Variants in ATRNL1 observed in about 807,000 individuals in gnomAD.
ATRNL1 encodes the protein attractin like 1, also known as attractin-like protein 1.
A neutral mutation model predicts 182.7 loss-of-function variants in ATRNL1; 95 were observed. That is an observed-to-expected ratio of 0.52 (90% CI 0.44 to 0.62). The LOEUF (loss-of-function observed/expected upper bound fraction) is 0.62. ATRNL1 is among the 20% of genes least tolerant of loss of function. The probability of loss-of-function intolerance (pLI) is 0.00; values close to 1 mark genes in which losing one functional copy is unlikely to be tolerated. For missense variants in ATRNL1, 1,471 were observed against 1,679.5 expected, an observed-to-expected ratio of 0.88 and a Z score of 2.17; for synonymous variants, 576 against 568.3, an observed-to-expected ratio of 1.01 and a Z score of -0.19.
At chr10:115,688,128 G>T (rs1221459001) in intron 26 of ATRNL1, among the ~76,000 whole-genome samples, 2 of 152,060 alleles carry the variant, frequency 1.3e-5, no homozygotes, top group Admixed American at 1.3e-4. Context: ...CATCCATGTT[G>T]CTGGAAATGA....
intron 10 of ATRNL1, among the ~76,000 whole-genome samples, chr10:115,254,256 T>C (rs1851015024): frequency 6.6e-6 from 1 of 152,200 alleles, no homozygotes; most frequent in Non-Finnish European, 1.5e-5. Context: ...CCACCAACAG[T>C]GTAAAAACAT....
intron 19 of ATRNL1, among the ~76,000 whole-genome samples, chr10:115,367,820 G>T (rs527745081): frequency 6.9e-6 from 1 of 145,090 alleles, no homozygotes; most frequent in African/African-American, 2.5e-5. Context: ...GTGCCTCCCA[G>T]TTAGGCTGCT....
intron 27 of ATRNL1, among the ~76,000 whole-genome samples, chr10:115,773,896 T>C (rs1463868146): frequency 6.6e-6 from 1 of 152,158 alleles, no homozygotes; most frequent in Non-Finnish European, 1.5e-5. Context: ...CCTATCTCCC[T>C]CCCTTTTTGT....
intron 27 of ATRNL1, among the ~76,000 whole-genome samples, chr10:115,819,074 C>T (rs181308609): frequency 1.3e-5 from 2 of 152,158 alleles, no homozygotes; most frequent in African/African-American, 4.8e-5. Flanking sequence ...ATGACTGTTG[C>T]TCAGGCATCC....
chr10:115,726,764 A>T (rs1226308458), intron 26 of ATRNL1, among the ~76,000 whole-genome samples: 1 of 152,220 alleles, frequency 6.6e-6, no homozygotes, highest in Non-Finnish European at 1.5e-5. Flanking sequence ...CTGATGACTT[A>T]CAAAACTTAG....
intron 26 of ATRNL1, among the ~76,000 whole-genome samples, chr10:115,602,465 C>G (rs1315611047): frequency 1.3e-5 from 2 of 152,030 alleles, no homozygotes; most frequent in Non-Finnish European, 2.9e-5. Context: ...TGGACACCAA[C>G]TTAGTGTCTT....
chr10:115,151,603 A>G (rs1846232899), intron 5 of ATRNL1, among the ~76,000 whole-genome samples: 1 of 152,138 alleles, frequency 6.6e-6, no homozygotes, highest in Admixed American at 6.5e-5. Flanking sequence ...AGTTCTTTGT[A>G]GATTCTGGAT....
At chr10:115,321,335 G>A (rs1854573807) in intron 18 of ATRNL1, among the ~76,000 whole-genome samples, 1 of 151,986 alleles carries the variant, frequency 6.6e-6, no homozygotes, top group African/African-American at 2.4e-5. Flanking sequence ...AGTTTAATTT[G>A]TTTACCTTAA....
In ATRNL1 at chr10:115,948,382, A is replaced by G. The variant is rs548050667; in HGVS notation, c.*3603A>G. ...TATATTTAAAAAAGATTGTAAAATG[A>G]AAACTGACCAAATGAACTAATTCTA... On this transcript the variant is annotated 3_prime_UTR_variant, in exon 29 of 29. Coordinates refer to ENST00000355044, the MANE Select transcript of ATRNL1 (RefSeq NM_207303.4). 5.3e-5 allele frequency: 8 copies of G among 152,376 alleles called. No homozygotes were observed. Among genetic ancestry groups the G allele is most frequent in the African/African-American group, 1.9e-4 (8 of 41,594 alleles). The allele number at this position is 152,376 out of a possible 1,614,324, so 9.4% of individuals were successfully genotyped here. A position where few individuals can be genotyped will look rare whatever the true frequency, so the allele number is the denominator to read the frequency against.
At chr10:115,176,671 C>A (rs536661329) in intron 8 of ATRNL1, among the ~76,000 whole-genome samples, 1 of 152,034 alleles carries the variant, frequency 6.6e-6, no homozygotes, top group African/African-American at 2.4e-5. Flanking sequence ...GATTGTGAAG[C>A]AGGTTTGGGG....
chr10:115,172,139 G>T (rs534698982), intron 8 of ATRNL1, among the ~76,000 whole-genome samples: 1 of 151,968 alleles, frequency 6.6e-6, no homozygotes, highest in African/African-American at 2.4e-5. Context: ...ACTCCCCTTC[G>T]AAATACTCCA....
At chr10:115,647,306 T>C (rs554617800) in intron 26 of ATRNL1, among the ~76,000 whole-genome samples, 1 of 152,258 alleles carries the variant, frequency 6.6e-6, no homozygotes, top group East Asian at 1.9e-4. Flanking sequence ...ATCCTTTGGG[T>C]ATATACCCAG....
intron 19 of ATRNL1, among the ~76,000 whole-genome samples, chr10:115,336,195 G>A (rs1211827572): frequency 6.6e-6 from 1 of 152,100 alleles, no homozygotes; most frequent in Non-Finnish European, 1.5e-5. Flanking sequence ...GTAAGAAAAT[G>A]TCTCATTCCT....
At chr10:115,158,058 A>T (rs1208040626) in intron 5 of ATRNL1, among the ~76,000 whole-genome samples, 1 of 152,012 alleles carries the variant, frequency 6.6e-6, no homozygotes, top group African/African-American at 2.4e-5. Context: ...AAAAGTTATT[A>T]TACAAGAATA....
chr10:115,117,838 T>C (rs1444107890), intron 1 of ATRNL1, among the ~76,000 whole-genome samples: 1 of 152,158 alleles, frequency 6.6e-6, no homozygotes, highest in Non-Finnish European at 1.5e-5. Flanking sequence ...AGGGTTCCCT[T>C]TTCTCCATAT....
intron 10 of ATRNL1, among the ~76,000 whole-genome samples, chr10:115,257,928 T>G (rs1433726415): frequency 6.6e-6 from 1 of 152,210 alleles, no homozygotes; most frequent in Non-Finnish European, 1.5e-5. Context: ...GAATGTTGAA[T>G]TTTGGCCCTT....
intron 25 of ATRNL1, among the ~76,000 whole-genome samples, chr10:115,534,486 G>A (rs924183717): frequency 6.6e-6 from 1 of 152,216 alleles, no homozygotes; most frequent in Non-Finnish European, 1.5e-5. Context: ...TTCATTTTGA[G>A]CTTATGTGTG....
chr10:115,268,165 G>A (rs563237393), intron 12 of ATRNL1, among the ~76,000 whole-genome samples, 161 bp from the exon 13 acceptor site: 2 of 152,250 alleles, frequency 1.3e-5, no homozygotes, highest in African/African-American at 2.4e-5. Context: ...AACTACAAAA[G>A]TTGTCTTAAT....
chr10:115,520,815 C>T (rs1252003206), intron 25 of ATRNL1, among the ~76,000 whole-genome samples: 1 of 152,108 alleles, frequency 6.6e-6, no homozygotes, highest in Non-Finnish European at 1.5e-5. Context: ...TTTTCTACTT[C>T]TCTTGATAAG....
Sources: gnomAD v4.1 joint callset for allele counts (sites outside exome capture counted in the v4.1 genomes callset) on GRCh38, gnomAD v4.1.1 for gene constraint, MANE v1.5 for transcripts, NCBI Gene and HGNC (gene_info 2026-07-23, HGNC 2026-07-21) for gene names.